Variants in FILIP1L observed in about 807,000 individuals in gnomAD.
The protein encoded by FILIP1L is filamin A-interacting protein 1-like.
In FILIP1L, 55 loss-of-function variants were observed where a neutral mutation model predicts 96.6. The ratio of observed to expected loss-of-function variants is 0.57; its 90% confidence interval spans 0.46 to 0.71. The LOEUF is 0.71. Ranked by LOEUF, FILIP1L falls within the 30% of genes least tolerant of loss-of-function variation. The pLI, the probability that FILIP1L is intolerant of heterozygous loss-of-function variation, is 0.00. For missense variants in FILIP1L, 1,304 were observed against 1,321.2 expected (o/e 0.99, Z 0.20); for synonymous variants, 467 against 473.9 (o/e 0.99, Z 0.19).
intron 1 of FILIP1L, among the ~76,000 whole-genome samples, chr3:99,981,856 C>T (rs1166593098): frequency 2.6e-5 from 4 of 152,138 alleles, no homozygotes; most frequent in South Asian, 2.1e-4. Flanking sequence ...AGTCAAGCCA[C>T]GGCCAGGCAT....
At chr3:99,854,470 A>T (rs781102604) in intron 4 of FILIP1L, among the ~76,000 whole-genome samples, 5 of 152,192 alleles carry the variant, frequency 3.3e-5, no homozygotes, top group South Asian at 4.1e-4. Flanking sequence ...AGAGCTGTGT[A>T]GTCAAATTAT....
At chr3:100,012,695 T>C (rs569600014) in intron 1 of FILIP1L, among the ~76,000 whole-genome samples, 3 of 152,032 alleles carry the variant, frequency 2.0e-5, no homozygotes, top group African/African-American at 7.2e-5. Flanking sequence ...ATAAAATCAG[T>C]TGACATCAAG....
intron 4 of FILIP1L, chr3:99,898,905 ACT>A (rs1440566903): frequency 2.0e-5 from 3 of 152,124 alleles, no homozygotes; most frequent in African/African-American, 4.8e-5. Context: ...ATGAACACTG[ACT>A]CTGAAGCTCT....
Position 99,848,857 on chromosome 3 carries a change from CCA to C in FILIP1L, c.2817_2818del (p.Cys939TrpfsTer73). 6.2e-7 allele frequency: 1 copy of C among 1,613,958 alleles called. No homozygotes were observed. The highest frequency in any genetic ancestry group is 8.5e-7 in the Non-Finnish European group (1 of 1,179,972). ...GATGGTTATCCTTTGCTTTGGCGTG[CCA>C]CAGTTCGGTATCACTGCAGTACTCG... is the stretch of plus-strand genomic sequence containing the variant. On this transcript the variant is annotated frameshift_variant, in exon 5 of 6. Coordinates refer to ENST00000477258, the MANE Select transcript of FILIP1L (RefSeq NM_001387850.1). LOFTEE classifies it high-confidence loss of function.
At position 100,005,649 on chromosome 3, in the gene FILIP1L, T is replaced by A. The variant is rs142410363; in HGVS notation, c.-10-74619A>T. On this transcript the variant is annotated intron_variant, in intron 1 of 5. Transcript: ENST00000477258. The stretch of plus-strand genomic sequence containing the variant: ...ATAAAATATAGCCAGAAATATTTGT[T>A]TTAATGGAAATTTATAAGCCTCTTT... Among the ~76,000 whole-genome samples the A allele has an allele frequency of 5.0e-3, 755 of 152,356 alleles. 5 individuals carry two copies. Among genetic ancestry groups the A allele is most frequent in the African/African-American group, 0.017 (710 of 41,584 alleles).
intron 1 of FILIP1L, among the ~76,000 whole-genome samples, chr3:100,066,152 C>T (rs955213846): frequency 4.6e-5 from 7 of 152,308 alleles, no homozygotes; most frequent in African/African-American, 7.2e-5. Flanking sequence ...TGAATTCAAA[C>T]TGGAATTTCT....
At chr3:99,993,851 T>C (rs1348159295) in intron 1 of FILIP1L, among the ~76,000 whole-genome samples, 1 of 152,224 alleles carries the variant, frequency 6.6e-6, no homozygotes, top group Non-Finnish European at 1.5e-5. Flanking sequence ...ATTATCTTTC[T>C]GATGTACTGG....
chr3:100,058,266 CAA>C (rs2065499601), intron 1 of FILIP1L, among the ~76,000 whole-genome samples: 1 of 152,180 alleles, frequency 6.6e-6, no homozygotes, highest in Admixed American at 6.5e-5. Context: ...GTTCTATGTT[CAA>C]GGCACGGAAC....
At chr3:99,913,105 C>T (rs1264870573) in intron 4 of FILIP1L, among the ~76,000 whole-genome samples, 3 of 152,200 alleles carry the variant, frequency 2.0e-5, no homozygotes, top group African/African-American at 7.2e-5. Flanking sequence ...CGGTTTACAA[C>T]CCAGAAGAGG....
chr3:99,909,589 G>T (rs1706727589), intron 4 of FILIP1L, among the ~76,000 whole-genome samples: 1 of 152,152 alleles, frequency 6.6e-6, no homozygotes, highest in Non-Finnish European at 1.5e-5. Context: ...GTAAGAGAAT[G>T]AGTAGATTTA....
At chr3:99,948,614 GGA>G (rs1186315332) in intron 1 of FILIP1L, among the ~76,000 whole-genome samples, 1 of 147,938 alleles carries the variant, frequency 6.8e-6, no homozygotes, top group Non-Finnish European at 1.5e-5. Context: ...GGAGGGGAAG[GGA>G]GAGAGAGAGG....
At chr3:100,031,659 A>G (rs895793250) in intron 1 of FILIP1L, among the ~76,000 whole-genome samples, 1 of 152,076 alleles carries the variant, frequency 6.6e-6, no homozygotes, top group Non-Finnish European at 1.5e-5. Context: ...CCTCAAGGAA[A>G]AGTCAAGCTA....
intron 1 of FILIP1L, chr3:100,040,333 A>G (rs187543143): frequency 6.6e-6 from 1 of 152,318 alleles, no homozygotes; most frequent in East Asian, 1.9e-4. Flanking sequence ...AATAAATACT[A>G]TTTATCCAGG....
intron 5 of FILIP1L, among the ~76,000 whole-genome samples, chr3:99,831,574 C>CA (rs1333524626): frequency 6.6e-6 from 1 of 152,220 alleles, no homozygotes; most frequent in Non-Finnish European, 1.5e-5. Flanking sequence ...AAGTCAGTGA[C>CA]AGACTAATCA....
chr3:99,872,639 A>C (rs1268421066), intron 4 of FILIP1L, among the ~76,000 whole-genome samples: 2 of 152,144 alleles, frequency 1.3e-5, no homozygotes, highest in African/African-American at 4.8e-5. Context: ...ACAATTTATC[A>C]TATTTTGGAG....
At chr3:99,831,465 T>A (rs1163175277) in intron 5 of FILIP1L, among the ~76,000 whole-genome samples, 2 of 152,192 alleles carry the variant, frequency 1.3e-5, no homozygotes, top group Admixed American at 1.3e-4. Context: ...AACACTAAAT[T>A]GTTTTAAAAG....
chr3:99,986,683 A>G (rs1388468475), intron 1 of FILIP1L, among the ~76,000 whole-genome samples: 2 of 152,188 alleles, frequency 1.3e-5, no homozygotes, highest in Admixed American at 1.3e-4. Context: ...TAAGAACTCA[A>G]GTAGAAGGAG....
At chr3:100,073,050 A>T (rs2065788598) in intron 1 of FILIP1L, among the ~76,000 whole-genome samples, 2 of 152,182 alleles carry the variant, frequency 1.3e-5, no homozygotes, top group South Asian at 2.1e-4. Context: ...AAGCATAATT[A>T]GTTTATGTGT....
chr3:100,010,851 A>T (rs1408781966), intron 1 of FILIP1L, among the ~76,000 whole-genome samples: 1 of 144,630 alleles, frequency 6.9e-6, no homozygotes, highest in Non-Finnish European at 1.5e-5. Flanking sequence ...CTGGTCTCGA[A>T]CTCCTGACCT....
Sources: allele counts gnomAD v4.1 joint callset (sites outside exome capture counted in the v4.1 genomes callset), GRCh38; gene constraint gnomAD v4.1.1; transcripts MANE v1.5; gene names NCBI Gene and HGNC (gene_info 2026-07-23, HGNC 2026-07-21).